LRRC4C: variants seen among roughly 807,000 people sequenced by gnomAD.
The protein encoded by LRRC4C is leucine-rich repeat-containing protein 4C.
A neutral mutation model predicts 33.6 loss-of-function variants in LRRC4C; 5 were observed. That is an observed-to-expected ratio of 0.15 (90% CI 0.08 to 0.31). The LOEUF (loss-of-function observed/expected upper bound fraction) is 0.31. LRRC4C is among the 10% of genes least tolerant of loss of function. The probability of loss-of-function intolerance (pLI) is 1.00; values close to 1 mark genes in which losing one functional copy is unlikely to be tolerated. For missense variants in LRRC4C, 560 were observed against 796.7 expected (o/e 0.70, Z 3.58); for synonymous variants, 329 against 302.0 (o/e 1.09, Z -0.93).
intron 2 of LRRC4C, among the ~76,000 whole-genome samples, chr11:40,849,278 C>T (rs1027650708): frequency 1.3e-5 from 2 of 152,160 alleles, no homozygotes; most frequent in Non-Finnish European, 2.9e-5. Context: ...GTGGCTTGTG[C>T]CAGGTTTTCC....
chr11:40,891,910 T>C (rs1455860010), intron 2 of LRRC4C, among the ~76,000 whole-genome samples: 3 of 151,668 alleles, frequency 2.0e-5, no homozygotes, highest in Non-Finnish European at 4.4e-5. Context: ...CCAAGGTGGG[T>C]GTATCACGAG....
intron 3 of LRRC4C, among the ~76,000 whole-genome samples, chr11:40,583,329 C>A (rs1958561923): frequency 2.0e-5 from 3 of 152,170 alleles, no homozygotes; most frequent in Admixed American, 2.0e-4. Flanking sequence ...TAATAAACAG[C>A]AAGTGAAAAA....
At chr11:40,580,763 C>T (rs1160579393) in intron 3 of LRRC4C, among the ~76,000 whole-genome samples, 1 of 152,062 alleles carries the variant, frequency 6.6e-6, no homozygotes, top group Non-Finnish European at 1.5e-5. Flanking sequence ...TGATAAGAGT[C>T]TAATTCAAAA....
At chr11:40,827,847 C>A (rs973377878) in intron 2 of LRRC4C, among the ~76,000 whole-genome samples, 1 of 151,514 alleles carries the variant, frequency 6.6e-6, no homozygotes, top group African/African-American at 2.4e-5. Context: ...TAAAGAAATA[C>A]CACATATGAA....
At chr11:40,472,167 C>T (rs1952975648) in intron 3 of LRRC4C, among the ~76,000 whole-genome samples, 1 of 151,862 alleles carries the variant, frequency 6.6e-6, no homozygotes, top group African/African-American at 2.4e-5. Context: ...GTAGTCCCAG[C>T]TACTTGGGAG....
At chr11:40,818,804 G>C (rs914762021) in intron 2 of LRRC4C, among the ~76,000 whole-genome samples, 2 of 151,938 alleles carry the variant, frequency 1.3e-5, no homozygotes, top group African/African-American at 4.8e-5. Context: ...ATTTCTAAAA[G>C]AGTTTAATTT....
chr11:40,909,659 T>G (rs1033465605), intron 2 of LRRC4C, among the ~76,000 whole-genome samples: 1 of 152,176 alleles, frequency 6.6e-6, no homozygotes, highest in Non-Finnish European at 1.5e-5. Flanking sequence ...ATGTATATTA[T>G]GTAACTATAG....
intron 1 of LRRC4C, among the ~76,000 whole-genome samples, chr11:41,065,274 G>A (rs1202256107): frequency 6.6e-6 from 1 of 152,150 alleles, no homozygotes; most frequent in Non-Finnish European, 1.5e-5. Context: ...GACAGCTAAG[G>A]AAACTGGGAG....
At chr11:41,239,321 C>CA (rs56018613) in intron 1 of LRRC4C, among the ~76,000 whole-genome samples, 27,221 of 55,138 alleles carry the variant, frequency 0.49, 8,854 homozygotes, top group Middle Eastern at 0.69. Context: ...GACTCTGTCT[C>CA]AAAAAAAAAA....
At chr11:41,021,773 G>A (rs1856000562) in intron 1 of LRRC4C, among the ~76,000 whole-genome samples, 1 of 151,984 alleles carries the variant, frequency 6.6e-6, no homozygotes, top group Non-Finnish European at 1.5e-5. Context: ...TCAGAAGTAA[G>A]TATTCTTTTA....
At chr11:40,351,924 C>T (rs1437890480) in intron 3 of LRRC4C, among the ~76,000 whole-genome samples, 1 of 151,930 alleles carries the variant, frequency 6.6e-6, no homozygotes, top group East Asian at 1.9e-4. Flanking sequence ...ATAGATGTTA[C>T]AGGTGAAGTG....
chr11:41,343,278 T>C (rs1951697287), intron 1 of LRRC4C, among the ~76,000 whole-genome samples: 1 of 152,150 alleles, frequency 6.6e-6, no homozygotes, highest in South Asian at 2.1e-4. Flanking sequence ...TCTGCAAACA[T>C]CTCTGCATCA....
At chr11:41,245,406 C>G (rs187477276) in intron 1 of LRRC4C, among the ~76,000 whole-genome samples, 11 of 152,202 alleles carry the variant, frequency 7.2e-5, no homozygotes, top group Admixed American at 2.6e-4. Context: ...CCACTGTGAA[C>G]AGCCAGGCAT....
intron 5 of LRRC4C, among the ~76,000 whole-genome samples, chr11:40,191,982 C>A (rs1417032580): frequency 6.6e-6 from 1 of 151,796 alleles, no homozygotes; most frequent in East Asian, 1.9e-4. Context: ...AAATAAAAGT[C>A]TATAATTGTT....
intron 1 of LRRC4C, among the ~76,000 whole-genome samples, chr11:41,120,580 A>G (rs955270404): frequency 2.0e-5 from 3 of 152,152 alleles, no homozygotes; most frequent in Non-Finnish European, 4.4e-5. Flanking sequence ...GACAGTGGCT[A>G]TATTACTTCA....
chr11:40,387,885 C>G (rs1229980926), intron 3 of LRRC4C, among the ~76,000 whole-genome samples: 1 of 152,120 alleles, frequency 6.6e-6, no homozygotes, highest in Admixed American at 6.6e-5. Flanking sequence ...TTTAAAGGCT[C>G]TTTTGAGGCT....
At chr11:40,671,660 T>TGTG (rs1944119731) in intron 2 of LRRC4C, among the ~76,000 whole-genome samples, 1 of 105,240 alleles carries the variant, frequency 9.5e-6, no homozygotes, top group Non-Finnish European at 1.9e-5. Flanking sequence ...TGTGTGTGTG[T>TGTG]GTGTGTGTGT....
chr11:40,668,141 T>C (rs1280249461), intron 2 of LRRC4C, among the ~76,000 whole-genome samples: 2 of 152,224 alleles, frequency 1.3e-5, no homozygotes, highest in Non-Finnish European at 2.9e-5. Context: ...ATGCTTCTGA[T>C]GATACTAATC....
chr11:41,182,968 G>C (rs1945520358), intron 1 of LRRC4C, among the ~76,000 whole-genome samples: 1 of 152,050 alleles, frequency 6.6e-6, no homozygotes, highest in South Asian at 2.1e-4. Flanking sequence ...CAGGAAGAGA[G>C]AGAGAGATTG....
Sources: gnomAD v4.1 joint callset for allele counts (sites outside exome capture counted in the v4.1 genomes callset) on GRCh38, gnomAD v4.1.1 for gene constraint, MANE v1.5 for transcripts, NCBI Gene and HGNC (gene_info 2026-07-23, HGNC 2026-07-21) for gene names.